ZNF407: variants seen among roughly 807,000 people sequenced by gnomAD.
ZNF407 encodes zinc finger protein 407.
Under a neutral mutation model 131.2 loss-of-function variants are expected in ZNF407, and 17 were observed. That is an observed-to-expected ratio of 0.13 (90% CI 0.09 to 0.19). The LOEUF is 0.19. Ranked by LOEUF, ZNF407 falls within the 10% of genes least tolerant of loss-of-function variation. The probability of loss-of-function intolerance (pLI) is 1.00; values close to 1 mark genes in which losing one functional copy is unlikely to be tolerated. For missense variants in ZNF407, 2,681 were observed against 2,830.6 expected (o/e 0.95, Z 1.20); for synonymous variants, 1,156 against 1,062.0 (o/e 1.09, Z -1.72).
chr18:74,765,956 T>C (rs1374844251), intron 3 of ZNF407, among the ~76,000 whole-genome samples: 1 of 152,098 alleles, frequency 6.6e-6, no homozygotes, highest in Non-Finnish European at 1.5e-5. Flanking sequence ...AAACCCCAAA[T>C]CAGTCAGGAT....
At chr18:74,829,070 A>G (rs1970447958) in intron 4 of ZNF407, among the ~76,000 whole-genome samples, 1 of 152,238 alleles carries the variant, frequency 6.6e-6, no homozygotes. Context: ...ATACTTAATT[A>G]CATGGGAAAA....
In ZNF407 at chr18:74,633,529, C is replaced by G. The variant is rs753971065; in HGVS notation, c.2510C>G (p.Thr837Ser). Residue 837 changes from threonine to serine, a missense_variant, in exon 2 of 9, where the codon ACT (threonine) becomes AGT (serine). By Grantham distance (58) the Thr-to-Ser change is moderately conservative (BLOSUM62 1). Transcript: ENST00000299687. ...AAAGATGATGAATTAGCTTCAACCA[C>G]TACTCCAAAGAGAGGGAGACCTAAA... ...STKDDELAST[T>S]TPKRGRPKGN... 1.1e-5 allele frequency: 18 copies of G among 1,614,040 alleles called. No individual in the cohort carries two copies. Among genetic ancestry groups the G allele is most frequent in the Non-Finnish European group, 1.2e-5 (14 of 1,179,884 alleles).
chr18:74,886,675 G>T (rs1314864344), intron 6 of ZNF407, among the ~76,000 whole-genome samples: 1 of 152,222 alleles, frequency 6.6e-6, no homozygotes, highest in Non-Finnish European at 1.5e-5. Context: ...GTATCTAGGT[G>T]TATAAATTGC....
intron 1 of ZNF407, among the ~76,000 whole-genome samples, chr18:74,611,074 A>T (rs1399310564): frequency 6.6e-6 from 1 of 152,218 alleles, no homozygotes; most frequent in Non-Finnish European, 1.5e-5. Flanking sequence ...TCCTTACCAA[A>T]CAGGAAACTT....
In ZNF407 at chr18:74,642,932, A is replaced by T. The variant is rs185837222; in HGVS notation, c.4802+1810A>T. 9.2e-5 allele frequency among the ~76,000 whole-genome samples: 14 copies of T among 152,282 alleles called. No individual in the cohort carries two copies. In the East Asian group the frequency reaches 2.7e-3, roughly 29 times the overall value. ...GTATTTTTACAATGAAATTTGATTTAAAAGTTAGGTAGCAATAATTTTAAC... is the reference window on the plus strand; with the variant it reads ...GTATTTTTACAATGAAATTTGATTTTAAAGTTAGGTAGCAATAATTTTAAC... On this transcript the variant is annotated intron_variant, in intron 3 of 8. Transcript: ENST00000299687.
chr18:75,024,462 C>T (rs563308235), intron 8 of ZNF407, among the ~76,000 whole-genome samples: 7 of 152,280 alleles, frequency 4.6e-5, no homozygotes, highest in Admixed American at 3.9e-4. Flanking sequence ...CCAAGATAGG[C>T]TTTGCAAGTG....
chr18:74,655,303 C>T (rs1032650732), intron 3 of ZNF407, among the ~76,000 whole-genome samples: 1 of 151,938 alleles, frequency 6.6e-6, no homozygotes, highest in African/African-American at 2.4e-5. Context: ...CACAAATATA[C>T]ATATATATTA....
chr18:74,629,227 G>T (rs1983938755), intron 1 of ZNF407, among the ~76,000 whole-genome samples: 1 of 152,140 alleles, frequency 6.6e-6, no homozygotes, highest in African/African-American at 2.4e-5. Flanking sequence ...CTTGTTATCT[G>T]ATTTTTTGAG....
At chr18:74,676,646 G>C (rs555479066) in intron 3 of ZNF407, among the ~76,000 whole-genome samples, 1 of 151,810 alleles carries the variant, frequency 6.6e-6, no homozygotes, top group Non-Finnish European at 1.5e-5. Flanking sequence ...GTGTTAGCCA[G>C]GATGGTCTCG....
intron 4 of ZNF407, among the ~76,000 whole-genome samples, chr18:74,864,464 C>A (rs1970982273): frequency 6.6e-6 from 1 of 152,186 alleles, no homozygotes; most frequent in African/African-American, 2.4e-5. Context: ...GGCATGACCT[C>A]CTTCAAGCAG....
chr18:74,661,568 G>T (rs1422726198), intron 3 of ZNF407, among the ~76,000 whole-genome samples: 1 of 151,776 alleles, frequency 6.6e-6, no homozygotes, highest in Non-Finnish European at 1.5e-5. Flanking sequence ...AAATTTAAGT[G>T]TTTCCACATT....
intron 3 of ZNF407, among the ~76,000 whole-genome samples, chr18:74,685,947 C>T (rs1228499183): frequency 6.6e-6 from 1 of 152,172 alleles, no homozygotes; most frequent in Non-Finnish European, 1.5e-5. Flanking sequence ...GGGCATAGAT[C>T]TTTGGGTTTT....
intron 3 of ZNF407, among the ~76,000 whole-genome samples, chr18:74,676,641 A>G (rs913118506): frequency 1.3e-4 from 19 of 151,754 alleles, no homozygotes; most frequent in African/African-American, 1.2e-4. Context: ...TCACCGTGTT[A>G]GCCAGGATGG....
intron 8 of ZNF407, among the ~76,000 whole-genome samples, chr18:75,033,491 A>G (rs1973270252): frequency 1.3e-5 from 2 of 152,234 alleles, no homozygotes; most frequent in Admixed American, 6.5e-5. Context: ...ACAGAGTGGT[A>G]ACCTAGTGGA....
chr18:74,863,851 A>G (rs1307331763), intron 4 of ZNF407, among the ~76,000 whole-genome samples: 2 of 152,116 alleles, frequency 1.3e-5, no homozygotes, highest in Non-Finnish European at 2.9e-5. Flanking sequence ...TTACTATTCC[A>G]CCACCTTTGC....
chr18:74,807,182 C>T (rs1040589990), intron 4 of ZNF407, among the ~76,000 whole-genome samples: 5 of 152,032 alleles, frequency 3.3e-5, no homozygotes, highest in African/African-American at 1.2e-4. Flanking sequence ...CAAAGAGAGT[C>T]CCTGTATTCT....
intron 3 of ZNF407, among the ~76,000 whole-genome samples, chr18:74,768,652 T>A (rs897692754): frequency 6.6e-6 from 1 of 152,192 alleles, no homozygotes; most frequent in Admixed American, 6.5e-5. Flanking sequence ...GTATACTGTA[T>A]ATAGATAGAT....
intron 1 of ZNF407, among the ~76,000 whole-genome samples, chr18:74,622,391 C>G (rs1223671786): frequency 1.3e-5 from 2 of 152,256 alleles, no homozygotes; most frequent in Non-Finnish European, 2.9e-5. Flanking sequence ...AGCCATTGCC[C>G]TTGCAGCTCG....
chr18:74,637,692 T>C (rs1263788242), intron 2 of ZNF407, among the ~76,000 whole-genome samples: 1 of 152,168 alleles, frequency 6.6e-6, no homozygotes, highest in African/African-American at 2.4e-5. Flanking sequence ...TTAAAATGAA[T>C]TGCTTTTCAC....
Sources: allele counts gnomAD v4.1 joint callset (sites outside exome capture counted in the v4.1 genomes callset), GRCh38; gene constraint gnomAD v4.1.1; transcripts MANE v1.5; gene names NCBI Gene and HGNC (gene_info 2026-07-23, HGNC 2026-07-21).